The following CDK14 variants were observed in gnomAD, a reference collection of about 807,000 sequenced individuals.
CDK14 encodes the protein cyclin-dependent kinase 14.
Under a neutral mutation model 60.7 loss-of-function variants are expected in CDK14, and 34 were observed. That is an observed-to-expected ratio of 0.56 (90% CI 0.43 to 0.75). CDK14 has a LOEUF of 0.75. Ranked by LOEUF, CDK14 falls within the 30% of genes least tolerant of loss-of-function variation. The pLI is 0.00. For synonymous variants in CDK14, 197 were observed against 203.7 expected, an observed-to-expected ratio of 0.97 and a Z score of 0.28; for missense variants, 482 against 564.1, an observed-to-expected ratio of 0.85 and a Z score of 1.47.
intron 11 of CDK14, among the ~76,000 whole-genome samples, chr7:91,047,261 G>A (rs1204637572): frequency 1.3e-5 from 2 of 152,140 alleles, no homozygotes; most frequent in African/African-American, 4.8e-5. Flanking sequence ...ACTTTAAAAA[G>A]ATTTGAAATG....
chr7:90,948,808 A>T (rs796858591), intron 8 of CDK14, among the ~76,000 whole-genome samples: 2 of 152,378 alleles, frequency 1.3e-5, no homozygotes, highest in South Asian at 2.1e-4. Flanking sequence ...TCACTTAATC[A>T]AGGAGAAATA....
chr7:90,878,903 G>A (rs1398575912), intron 6 of CDK14, among the ~76,000 whole-genome samples: 1 of 152,208 alleles, frequency 6.6e-6, no homozygotes, highest in African/African-American at 2.4e-5. Context: ...ATATATGTAT[G>A]TATTTAATGT....
intron 2 of CDK14, among the ~76,000 whole-genome samples, chr7:90,638,131 T>TTTAAAG (rs1554424871): frequency 6.6e-6 from 1 of 152,050 alleles, no homozygotes; most frequent in Non-Finnish European, 1.5e-5. Context: ...TCCATTTACA[T>TTTAAAG]TTAAAGTTAA....
Position 90,786,183 on chromosome 7 carries a change from C to T in CDK14, c.465-4390C>T, listed in dbSNP as rs552323773. Reference sequence around the variant, plus strand: ...AGAATCTCTGAAATAAAATGGCTCTCTATACAGCTTAAAGCAACTACAGGC... The same window carrying T: ...AGAATCTCTGAAATAAAATGGCTCTTTATACAGCTTAAAGCAACTACAGGC... On this transcript the variant is annotated intron_variant, in intron 4 of 14. Coordinates refer to ENST00000380050, the MANE Select transcript of CDK14 (RefSeq NM_001287135.2). Among the ~76,000 whole-genome samples, 8 of 152,278 alleles carry T rather than the reference C, an allele frequency of 5.3e-5. No individual in the cohort carries two copies. The South Asian group carries it at 8.3e-4, about 16-fold the overall frequency.
At chr7:90,678,699 T>C (rs1294600296) in intron 2 of CDK14, among the ~76,000 whole-genome samples, 1 of 152,188 alleles carries the variant, frequency 6.6e-6, no homozygotes, top group Non-Finnish European at 1.5e-5. Context: ...GAGCAGAGTG[T>C]AGGGTAATCA....
intron 10 of CDK14, among the ~76,000 whole-genome samples, chr7:91,014,125 A>G (rs1395225749): frequency 6.6e-6 from 1 of 152,106 alleles, no homozygotes; most frequent in Non-Finnish European, 1.5e-5. Context: ...TCAGTTTATC[A>G]TAATCCAGTG....
intron 14 of CDK14, among the ~76,000 whole-genome samples, chr7:91,164,126 G>T (rs1242738792): frequency 6.6e-6 from 1 of 152,048 alleles, no homozygotes; most frequent in Non-Finnish European, 1.5e-5. Flanking sequence ...ATAGCAGAAC[G>T]TTGGCAACAC....
intron 2 of CDK14, among the ~76,000 whole-genome samples, chr7:90,688,090 T>C (rs1292653463): frequency 6.6e-6 from 1 of 152,134 alleles, no homozygotes; most frequent in Non-Finnish European, 1.5e-5. Context: ...AAGTATAAAG[T>C]AAAAGGCTAA....
At chr7:91,195,889 C>T (rs1322978779) in intron 14 of CDK14, among the ~76,000 whole-genome samples, 1 of 152,216 alleles carries the variant, frequency 6.6e-6, no homozygotes, top group Non-Finnish European at 1.5e-5. Flanking sequence ...CCCTCACCTA[C>T]CTTTCAGCTT....
In CDK14 at chr7:90,668,699, C is replaced by CTTTTTTTTTTTTTTTTTTT. The variant is rs59773768; in HGVS notation, c.124-57859_124-57841dup. Among the ~76,000 whole-genome samples, 7 of 87,538 alleles carry CTTTTTTTTTTTTTTTTTTT rather than the reference C, an allele frequency of 8.0e-5. 1 individual carries two copies. The highest frequency in any genetic ancestry group is 1.3e-4 in the African/African-American group (3 of 23,110). 57.4% of individuals were successfully genotyped at this position (87,538 alleles called of 152,430 possible). A position where few individuals can be genotyped will look rare whatever the true frequency, so the allele number is the denominator to read the frequency against. On this transcript the variant is annotated intron_variant, in intron 2 of 14. Coordinates refer to ENST00000380050, the MANE Select transcript of CDK14 (RefSeq NM_001287135.2). ...TATGGTGTAAGGAAGGACTCGCATT[C>CTTTTTTTTTTTTTTTTTTT]TTTTTTTTTTTTTTTTTTTTTTTTT...
intron 14 of CDK14, among the ~76,000 whole-genome samples, chr7:91,139,047 T>C (rs1800366879): frequency 6.6e-6 from 1 of 152,178 alleles, no homozygotes; most frequent in African/African-American, 2.4e-5. Context: ...AATCTGTCCT[T>C]CTTAGACAAG....
chr7:90,669,511 G>T (rs777355094), intron 2 of CDK14, among the ~76,000 whole-genome samples: 1 of 152,208 alleles, frequency 6.6e-6, no homozygotes, highest in Non-Finnish European at 1.5e-5. Context: ...TAGTGAGAAA[G>T]AAAACTGCTG....
intron 14 of CDK14, among the ~76,000 whole-genome samples, chr7:91,124,096 T>A (rs1799867475): frequency 6.6e-6 from 1 of 152,026 alleles, no homozygotes; most frequent in South Asian, 2.1e-4. Flanking sequence ...CTATGTTGTC[T>A]CAGCTGGTCT....
At chr7:90,782,384 T>G (rs1319094682) in intron 4 of CDK14, among the ~76,000 whole-genome samples, 1 of 152,144 alleles carries the variant, frequency 6.6e-6, no homozygotes, top group Admixed American at 6.6e-5. Flanking sequence ...TGACTTCCTC[T>G]TTTCCTAATT....
chr7:90,929,046 G>A (rs1169619209), intron 8 of CDK14, among the ~76,000 whole-genome samples: 1 of 152,218 alleles, frequency 6.6e-6, no homozygotes, highest in East Asian at 1.9e-4. Context: ...ATCTCCTGGT[G>A]TGCCGTTTGC....
intron 10 of CDK14, among the ~76,000 whole-genome samples, chr7:90,991,448 GTGA>G: frequency 6.6e-6 from 1 of 152,266 alleles, no homozygotes; most frequent in East Asian, 1.9e-4. Flanking sequence ...AATCAGTACA[GTGA>G]CACAAATCAA....
chr7:90,810,589 C>G (rs1789054967), intron 5 of CDK14, among the ~76,000 whole-genome samples: 1 of 152,164 alleles, frequency 6.6e-6, no homozygotes, highest in Non-Finnish European at 1.5e-5. Context: ...TCTCACCACT[C>G]CTATTCAACA....
At chr7:90,747,816 A>T (rs774311142) in intron 4 of CDK14, 41 bp downstream of exon 4, 4 of 964,974 alleles carry the variant, frequency 4.1e-6, no homozygotes, top group Admixed American at 2.9e-5. Context: ...TGTACAGTGT[A>T]TCTGCCCTCT....
At chr7:91,121,058 T>A (rs113442077) in intron 14 of CDK14, among the ~76,000 whole-genome samples, 1,929 of 152,350 alleles carry the variant, frequency 0.013, 26 homozygotes, top group Middle Eastern at 0.051. Context: ...TCAAATAATA[T>A]AGCCTATTTA....
Sources: gnomAD v4.1 joint callset for allele counts (sites outside exome capture counted in the v4.1 genomes callset) on GRCh38, gnomAD v4.1.1 for gene constraint, MANE v1.5 for transcripts, NCBI Gene and HGNC (gene_info 2026-07-23, HGNC 2026-07-21) for gene names.